EYS: variants seen among roughly 807,000 people sequenced by gnomAD.
EYS encodes the protein protein eyes shut homolog.
EYS carries 250 observed loss-of-function variants against 282.1 expected under a neutral mutation model. That is an observed-to-expected ratio of 0.89 (90% confidence interval 0.80 to 0.98). EYS has a LOEUF of 0.98. Ranked by LOEUF, EYS falls within the 50% of genes least tolerant of loss-of-function variation. The probability of loss-of-function intolerance (pLI) is 0.00; values close to 1 mark genes in which losing one functional copy is unlikely to be tolerated. For synonymous variants in EYS, 1,355 were observed against 1,282.9 expected (o/e 1.06, Z -1.20); for missense variants, 4,016 against 3,709.0 (o/e 1.08, Z -2.15).
chr6:65,213,581 C>T (rs1226233739), intron 12 of EYS, among the ~76,000 whole-genome samples: 2 of 152,046 alleles, frequency 1.3e-5, no homozygotes, highest in Admixed American at 6.5e-5. Context: ...CTGTGTTCAG[C>T]GATCTCTTAT....
intron 28 of EYS, among the ~76,000 whole-genome samples, chr6:64,394,497 C>T (rs1462575752): frequency 6.6e-6 from 1 of 152,174 alleles, no homozygotes; most frequent in Non-Finnish European, 1.5e-5. Flanking sequence ...ACTATCTGAT[C>T]TTTGACAAAC....
At chr6:64,503,959 G>A (rs542958615) in intron 26 of EYS, among the ~76,000 whole-genome samples, 38 of 152,176 alleles carry the variant, frequency 2.5e-4, no homozygotes, top group Admixed American at 1.0e-3. Flanking sequence ...GCTCCACCAC[G>A]GTAAGATGTG....
At chr6:64,112,460 A>T (rs1008418427) in intron 31 of EYS, among the ~76,000 whole-genome samples, 15 of 151,902 alleles carry the variant, frequency 9.9e-5, no homozygotes, top group Admixed American at 1.3e-4. Context: ...ATGGAGTACA[A>T]AGTGACATTA....
At chr6:65,057,798 T>C in intron 12 of EYS, 71 bp from the exon 13 acceptor site, 1 of 1,056,384 alleles carries the variant, frequency 9.5e-7, no homozygotes, top group Non-Finnish European at 1.4e-6. Context: ...AATTCTTAAA[T>C]TTGCACAAGC....
chr6:63,849,067 T>C (rs1032205033), intron 36 of EYS, among the ~76,000 whole-genome samples: 7 of 152,140 alleles, frequency 4.6e-5, no homozygotes, highest in African/African-American at 9.7e-5. Context: ...AACAAAGCCA[T>C]TGGGAAGTTC....
chr6:64,207,851 G>A (rs559213640), intron 31 of EYS, among the ~76,000 whole-genome samples: 16 of 152,170 alleles, frequency 1.1e-4, no homozygotes, highest in Non-Finnish European at 1.6e-4. Flanking sequence ...TAGAGACAGG[G>A]TTTCACCATA....
intron 22 of EYS, among the ~76,000 whole-genome samples, chr6:64,720,636 C>G (rs1771546695): frequency 6.6e-6 from 1 of 152,132 alleles, no homozygotes; most frequent in African/African-American, 2.4e-5. Context: ...GATAGAACCT[C>G]ATTAATGAGA....
At chr6:63,894,360 A>G (rs965322244) in intron 35 of EYS, among the ~76,000 whole-genome samples, 1 of 152,138 alleles carries the variant, frequency 6.6e-6, no homozygotes, top group African/African-American at 2.4e-5. Flanking sequence ...AGACGCAGAC[A>G]TACAGAGACG....
rs1298159431 is a variant in EYS, at chr6:63,794,107, C to A, written c.7412-4883G>T. On this transcript the variant is annotated intron_variant, in intron 37 of 42. Transcript: ENST00000503581. The stretch of plus-strand genomic sequence containing the variant: ...TTCAGCACTCCCTTCCCAAATGCTT[C>A]TCTCTGGGAAATAAGAAGGGATAAT... Among the ~76,000 whole-genome samples, 12 of 152,184 alleles carry A rather than the reference C, an allele frequency of 7.9e-5. No homozygotes were observed. In the South Asian group the frequency reaches 1.0e-3, roughly 13 times the overall value.
chr6:63,913,033 G>C (rs1764311416), intron 35 of EYS, among the ~76,000 whole-genome samples: 1 of 152,044 alleles, frequency 6.6e-6, no homozygotes, highest in African/African-American at 2.4e-5. Flanking sequence ...AACTCTTTAG[G>C]GTTTCTTTTT....
chr6:64,171,589 C>G (rs191170951), intron 31 of EYS, among the ~76,000 whole-genome samples: 2 of 151,010 alleles, frequency 1.3e-5, no homozygotes, highest in African/African-American at 4.9e-5. Flanking sequence ...CAAAAGAAAA[C>G]CTTTGAAGAT....
At chr6:64,389,978 G>T (rs1313467468) in intron 28 of EYS, among the ~76,000 whole-genome samples, 1 of 150,278 alleles carries the variant, frequency 6.7e-6, no homozygotes, top group Non-Finnish European at 1.5e-5. Context: ...AAGGGGTCAG[G>T]GAGTTCCCTT....
chr6:63,794,788 A>G (rs1483047279), intron 37 of EYS, among the ~76,000 whole-genome samples: 1 of 152,190 alleles, frequency 6.6e-6, no homozygotes, highest in Admixed American at 6.5e-5. Flanking sequence ...TGACATGGTG[A>G]GAGTTTTTTC....
intron 30 of EYS, among the ~76,000 whole-genome samples, chr6:64,295,747 A>G (rs900578646): frequency 9.3e-5 from 14 of 149,874 alleles, no homozygotes; most frequent in Non-Finnish European, 2.1e-4. Context: ...AAAAAAGAAA[A>G]TGGGTCTGCC....
At chr6:65,009,295 C>T (rs1029259342) in intron 13 of EYS, among the ~76,000 whole-genome samples, 2 of 152,252 alleles carry the variant, frequency 1.3e-5, no homozygotes, top group Non-Finnish European at 2.9e-5. Context: ...TAAAACCATG[C>T]AATAGCCCCT....
At chr6:64,407,482 A>C (rs1773756921) in intron 28 of EYS, among the ~76,000 whole-genome samples, 1 of 152,242 alleles carries the variant, frequency 6.6e-6, no homozygotes, top group East Asian at 1.9e-4. Context: ...ATCAATTAAT[A>C]TGGAAGATAA....
intron 1 of EYS, among the ~76,000 whole-genome samples, chr6:65,666,535 T>TATA (rs1418333651): frequency 6.6e-6 from 1 of 151,844 alleles, no homozygotes; most frequent in African/African-American, 2.4e-5. Context: ...TTTATACCTG[T>TATA]CGGGTAGTAA....
intron 22 of EYS, among the ~76,000 whole-genome samples, chr6:64,651,206 G>A (rs79988802): frequency 5.3e-5 from 8 of 152,176 alleles, no homozygotes; most frequent in African/African-American, 1.4e-4. Flanking sequence ...GAATGGTTAC[G>A]TATCACTCTG....
intron 22 of EYS, among the ~76,000 whole-genome samples, chr6:64,703,410 C>CATAT (rs1554194845): frequency 7.8e-5 from 4 of 51,534 alleles, no homozygotes; most frequent in Admixed American, 2.5e-4. Context: ...CACACACACA[C>CATAT]ATATATATAT....
Sources: gnomAD v4.1 joint callset for allele counts (sites outside exome capture counted in the v4.1 genomes callset) on GRCh38, gnomAD v4.1.1 for gene constraint, MANE v1.5 for transcripts, NCBI Gene and HGNC (gene_info 2026-07-23, HGNC 2026-07-21) for gene names.